PLPP1: variants seen among roughly 807,000 people sequenced by gnomAD.
The protein encoded by PLPP1 is phospholipid phosphatase 1, also known as lipid phosphate phosphohydrolase 1a.
Under a neutral mutation model 31.2 loss-of-function variants are expected in PLPP1, and 24 were observed. The ratio of observed to expected loss-of-function variants is 0.77; its 90% CI spans 0.56 to 1.08. PLPP1 has a LOEUF of 1.08. Among genes scored for constraint, PLPP1 ranks in the 50% least tolerant of loss-of-function variants. The pLI, the probability that PLPP1 is intolerant of heterozygous loss-of-function variation, is 0.00. For synonymous variants in PLPP1, 146 were observed against 126.3 expected (o/e 1.16, Z -1.05); for missense variants, 319 against 342.7 (o/e 0.93, Z 0.55).
chr5:55,468,252 C>G (rs1752347012), intron 2 of PLPP1, 103 bp from the exon 3 acceptor site: 1 of 1,093,096 alleles, frequency 9.1e-7, no homozygotes, highest in Admixed American at 2.6e-5. Context: ...GCAAAAATAT[C>G]TTTGTTTCAA....
At chr5:55,530,849 T>C in intron 1 of PLPP1, 1 of 1,172,404 alleles carries the variant, frequency 8.5e-7, no homozygotes, top group Non-Finnish European at 1.3e-6. Context: ...CAGTAGGATG[T>C]GGCCGCGGAG....
intron 4 of PLPP1, among the ~76,000 whole-genome samples, chr5:55,439,101 CT>C (rs1259932138): frequency 5.9e-5 from 9 of 152,076 alleles, no homozygotes. Flanking sequence ...ATCTAGGCTT[CT>C]TTTTTTGCCA....
At chr5:55,519,082 G>T (rs1009836666) in intron 1 of PLPP1, among the ~76,000 whole-genome samples, 6 of 152,082 alleles carry the variant, frequency 3.9e-5, no homozygotes, top group East Asian at 1.9e-4. Context: ...ACTTCAGAGG[G>T]TAATTACTGG....
intron 1 of PLPP1, among the ~76,000 whole-genome samples, chr5:55,489,736 A>C (rs1752848267): frequency 6.6e-6 from 1 of 152,218 alleles, no homozygotes; most frequent in South Asian, 2.1e-4. Flanking sequence ...GGCAAAATAG[A>C]GAGAGAAAAG....
intron 1 of PLPP1, among the ~76,000 whole-genome samples, chr5:55,525,700 C>T (rs1740407621): frequency 6.6e-6 from 1 of 151,704 alleles, no homozygotes. Flanking sequence ...GCACATTAAA[C>T]CTAAACAGCA....
intron 3 of PLPP1, among the ~76,000 whole-genome samples, chr5:55,453,502 CA>C (rs1360010829): frequency 1.3e-5 from 2 of 152,166 alleles, no homozygotes; most frequent in African/African-American, 4.8e-5. Context: ...GCATCTTCCC[CA>C]ACACATCTGG....
chr5:55,474,118 T>A (rs1420499878), intron 2 of PLPP1, among the ~76,000 whole-genome samples: 2 of 151,506 alleles, frequency 1.3e-5, no homozygotes, highest in African/African-American at 4.8e-5. Context: ...TGCCTCAGCA[T>A]CCTGAGTAGC....
In PLPP1 at chr5:55,475,648, T is replaced by C. The variant is rs1275244356; in HGVS notation, c.59-198A>G. ...AGTTTTAAGATAAAGATGTTTTGTCTACAGCAAACAAAGTGTTCAAATCCT... is the reference window on the plus strand; with the variant it reads ...AGTTTTAAGATAAAGATGTTTTGTCCACAGCAAACAAAGTGTTCAAATCCT... On this transcript the variant is annotated intron_variant, in intron 1 of 5. Transcript: ENST00000307259. 2.0e-5 allele frequency among the ~76,000 whole-genome samples: 3 copies of C among 152,370 alleles called. No homozygotes were observed. In the East Asian group the frequency reaches 5.8e-4, roughly 29 times the overall value.
intron 2 of PLPP1, among the ~76,000 whole-genome samples, chr5:55,468,523 C>T (rs551297233): frequency 2.4e-4 from 36 of 152,096 alleles, no homozygotes; most frequent in South Asian, 1.9e-3. Flanking sequence ...AACTTCCAGC[C>T]GGGTGTGGTG....
At chr5:55,454,242 T>C (rs1374617731) in intron 3 of PLPP1, among the ~76,000 whole-genome samples, 3 of 152,264 alleles carry the variant, frequency 2.0e-5, no homozygotes, top group East Asian at 3.9e-4. Flanking sequence ...AATATAAACA[T>C]AAAAGTTAGC....
intron 3 of PLPP1, among the ~76,000 whole-genome samples, chr5:55,442,532 G>A (rs573143908): frequency 1.2e-4 from 18 of 151,876 alleles, no homozygotes; most frequent in Non-Finnish European, 2.1e-4. Context: ...TGTGCCTGTA[G>A]TCCCAGCTAC....
At chr5:55,503,736 G>GCA (rs1561249618) in intron 1 of PLPP1, among the ~76,000 whole-genome samples, 1 of 144,812 alleles carries the variant, frequency 6.9e-6, no homozygotes, top group Non-Finnish European at 1.5e-5. Flanking sequence ...CAGAGGTCGT[G>GCA]CCACTGCACT....
chr5:55,461,138 T>G (rs1407878666), intron 3 of PLPP1, among the ~76,000 whole-genome samples: 2 of 152,148 alleles, frequency 1.3e-5, no homozygotes, highest in African/African-American at 2.4e-5. Context: ...AAGGTTTCAG[T>G]GAGCCAAGAT....
chr5:55,523,603 A>G (rs1433073420), intron 1 of PLPP1, among the ~76,000 whole-genome samples: 1 of 152,244 alleles, frequency 6.6e-6, no homozygotes, highest in Non-Finnish European at 1.5e-5. Context: ...CCTAGAGAGC[A>G]CTAAATAAAT....
intron 1 of PLPP1, among the ~76,000 whole-genome samples, chr5:55,504,818 T>TTC (rs1753236913): frequency 1.3e-5 from 2 of 150,968 alleles, no homozygotes; most frequent in Admixed American, 1.3e-4. Context: ...ACTTTCCTTT[T>TTC]TTTTTTTTTT....
At chr5:55,486,515 G>A (rs1320082086) in intron 1 of PLPP1, among the ~76,000 whole-genome samples, 2 of 152,042 alleles carry the variant, frequency 1.3e-5, no homozygotes, top group African/African-American at 4.8e-5. Flanking sequence ...GAACCCAGGA[G>A]GCGGAGGTTG....
At chr5:55,513,003 T>C (rs1753472248) in intron 1 of PLPP1, among the ~76,000 whole-genome samples, 4 of 152,208 alleles carry the variant, frequency 2.6e-5, no homozygotes, top group African/African-American at 9.6e-5. Context: ...ACTTGTGACC[T>C]GTAGAGTTTT....
At chr5:55,442,164 C>G (rs1022580962) in intron 3 of PLPP1, among the ~76,000 whole-genome samples, 1 of 152,102 alleles carries the variant, frequency 6.6e-6, no homozygotes, top group African/African-American at 2.4e-5. Flanking sequence ...ATAAACTTGC[C>G]AAGCAATTCT....
intron 1 of PLPP1, among the ~76,000 whole-genome samples, chr5:55,527,767 G>T (rs559491831): frequency 1.3e-5 from 2 of 152,328 alleles, no homozygotes; most frequent in East Asian, 3.9e-4. Flanking sequence ...CTAGGGAAGG[G>T]TTATTAGAAC....
Sources: gnomAD v4.1 joint callset for allele counts (sites outside exome capture counted in the v4.1 genomes callset) on GRCh38, gnomAD v4.1.1 for gene constraint, MANE v1.5 for transcripts, NCBI Gene and HGNC (gene_info 2026-07-23, HGNC 2026-07-21) for gene names.